KRT8: variants seen among roughly 807,000 people sequenced by gnomAD.
KRT8 encodes keratin, type II cytoskeletal 8.
In KRT8, 24 loss-of-function variants were observed where a neutral mutation model predicts 43.0. The ratio of observed to expected loss-of-function variants is 0.56; its 90% CI spans 0.40 to 0.78. The LOEUF (loss-of-function observed/expected upper bound fraction) is 0.78, where lower values mean the gene tolerates loss of function less well. KRT8 is among the 30% of genes least tolerant of loss of function. The pLI is 0.00. For missense variants in KRT8, 492 were observed against 638.4 expected, an observed-to-expected ratio of 0.77 and a Z score of 2.47; for synonymous variants, 214 against 261.2, an observed-to-expected ratio of 0.82 and a Z score of 1.74.
exon 6 of KRT8, chr12:52,898,785 C>T: frequency 1.2e-6 from 2 of 1,614,254 alleles, no homozygotes; most frequent in Non-Finnish European, 1.7e-6. Context: ...CGCGCCATGT[C>T]CTGCTTGGCC....
intron 2 of KRT8, among the ~76,000 whole-genome samples, chr12:52,919,805 T>C (rs1216515800): frequency 6.6e-6 from 1 of 151,996 alleles, no homozygotes; most frequent in Non-Finnish European, 1.5e-5. Context: ...TGCACCACCA[T>C]GCCCGGATAA....
chr12:52,929,474 G>A (rs762016398), intron 2 of KRT8, among the ~76,000 whole-genome samples: 1 of 152,156 alleles, frequency 6.6e-6, no homozygotes, highest in Non-Finnish European at 1.5e-5. Context: ...GATTATAGGC[G>A]TGAGCCACCT....
upstream of KRT8, among the ~76,000 whole-genome samples, chr12:52,911,324 C>G (rs998516091): frequency 6.6e-6 from 1 of 151,526 alleles, no homozygotes; most frequent in Non-Finnish European, 1.5e-5. Flanking sequence ...TGCACTCCAG[C>G]CTGGGTGACA....
chr12:52,949,643 A>C, intron 1 of KRT8: 2 of 1,467,388 alleles, frequency 1.4e-6, no homozygotes, highest in Non-Finnish European at 1.9e-6. Context: ...CTCCAATTAT[A>C]CACTCCTTTG....
intron 1 of KRT8, chr12:52,949,635 C>G (rs1232510732): frequency 6.7e-7 from 1 of 1,500,540 alleles, no homozygotes; most frequent in Non-Finnish European, 9.3e-7. Context: ...GTCTGACCCT[C>G]CAATTATACA....
intron 2 of KRT8, among the ~76,000 whole-genome samples, chr12:52,943,633 G>C (rs1942300763): frequency 6.6e-6 from 1 of 152,222 alleles, no homozygotes; most frequent in Admixed American, 6.5e-5. Flanking sequence ...TGGCCGTGCA[G>C]GGTGTTCAGT....
At chr12:52,949,056 G>T in intron 2 of KRT8, 1 of 978,780 alleles carries the variant, frequency 1.0e-6, no homozygotes, top group Non-Finnish European at 1.6e-6. Context: ...CTTCCGAAGC[G>T]GCTCCGGGGC....
In KRT8 at chr12:52,921,149, C is replaced by T. The variant is rs147571575; in HGVS notation, c.-46-16122G>A. Among the ~76,000 whole-genome samples, 80 of 152,296 alleles carry T rather than the reference C, an allele frequency of 5.3e-4. No individual in the cohort carries two copies. The East Asian group carries it at 0.013, about 25-fold the overall frequency. On this transcript the variant is annotated intron_variant, in intron 2 of 6. Transcript: ENST00000546826. Reference sequence around the variant, plus strand: ...CCTCAGGGACCTGTTAGTCAAGTTCCCATGGCAACACAACTAATTGTGTGT... The same window carrying T: ...CCTCAGGGACCTGTTAGTCAAGTTCTCATGGCAACACAACTAATTGTGTGT...
chr12:52,908,110 A>G (rs1469116099), upstream of KRT8, among the ~76,000 whole-genome samples: 1 of 152,214 alleles, frequency 6.6e-6, no homozygotes, highest in African/African-American at 2.4e-5. Flanking sequence ...ATGGTGCAGG[A>G]TAATTCAGAG....
chr12:52,918,214 GAA>G (rs1941810098), intron 2 of KRT8, among the ~76,000 whole-genome samples: 1 of 142,892 alleles, frequency 7.0e-6, no homozygotes, highest in Non-Finnish European at 1.6e-5. Context: ...ACAAGAAGAA[GAA>G]GAAGAAGAAG....
At chr12:52,917,778 C>G (rs1408602827) in intron 2 of KRT8, among the ~76,000 whole-genome samples, 3 of 150,986 alleles carry the variant, frequency 2.0e-5, no homozygotes, top group African/African-American at 7.3e-5. Context: ...ATTCAGGAGG[C>G]TGAGGCAGGG....
At chr12:52,902,258 G>C in intron 1 of KRT8, 186 bp from the exon 2 acceptor site, 2 of 608,780 alleles carry the variant, frequency 3.3e-6, no homozygotes, top group South Asian at 3.9e-5. Context: ...ATGATGGTGA[G>C]GTGGGGAGCA....
At chr12:52,932,511 T>C (rs1035512005) in intron 2 of KRT8, among the ~76,000 whole-genome samples, 4 of 152,198 alleles carry the variant, frequency 2.6e-5, no homozygotes, top group South Asian at 2.1e-4. Context: ...TGTAGGTATG[T>C]TCTCATCACT....
intron 2 of KRT8, chr12:52,948,253 G>C (rs1024205062): frequency 6.6e-6 from 1 of 152,436 alleles, no homozygotes; most frequent in African/African-American, 2.4e-5. Context: ...GGCAGGCGAG[G>C]AGTGTTTGGG....
At chr12:52,909,848 T>C (rs2120607062), upstream of KRT8, among the ~76,000 whole-genome samples, 1 of 152,296 alleles carries the variant, frequency 6.6e-6, no homozygotes, top group East Asian at 1.9e-4. Flanking sequence ...TTAGAAATTA[T>C]TAGAACAAGA....
intron 2 of KRT8, among the ~76,000 whole-genome samples, chr12:52,938,148 A>ATATATATATATATATATC (rs1942200367): frequency 3.1e-5 from 1 of 32,258 alleles, no homozygotes; most frequent in Non-Finnish European, 5.8e-5. Flanking sequence ...ATATATATAT[A>ATATATATATATATATATC]TATATATATA....
chr12:52,899,152 A>G (rs1277964217), intron 5 of KRT8, among the ~76,000 whole-genome samples: 2 of 152,242 alleles, frequency 1.3e-5, no homozygotes, highest in East Asian at 3.9e-4. Flanking sequence ...GTCTCTAGTA[A>G]AAATACAAAA....
At chr12:52,934,961 C>T (rs2120708959) in intron 2 of KRT8, among the ~76,000 whole-genome samples, 1 of 150,756 alleles carries the variant, frequency 6.6e-6, no homozygotes, top group East Asian at 2.0e-4. Flanking sequence ...AAGAGTGAAA[C>T]TCCGTCTCAA....
At chr12:52,907,922 G>A (rs867564682), upstream of KRT8, among the ~76,000 whole-genome samples, 1 of 152,224 alleles carries the variant, frequency 6.6e-6, no homozygotes, top group African/African-American at 2.4e-5. Context: ...ACAACTCCTT[G>A]TAAGGCATTG....
Sources: gnomAD v4.1 joint callset for allele counts (sites outside exome capture counted in the v4.1 genomes callset) on GRCh38, gnomAD v4.1.1 for gene constraint, MANE v1.5 for transcripts, NCBI Gene and HGNC (gene_info 2026-07-23, HGNC 2026-07-21) for gene names.